The following GMDS variants were observed in gnomAD, a reference collection of about 807,000 sequenced individuals.
GMDS encodes GDP-mannose 4,6 dehydratase.
GMDS carries 20 observed loss-of-function variants against 49.9 expected under a neutral mutation model. The observed-to-expected ratio is 0.40, with a 90% confidence interval of 0.28 to 0.58. The LOEUF (loss-of-function observed/expected upper bound fraction) is 0.58. Ranked by LOEUF, GMDS falls within the 20% of genes least tolerant of loss-of-function variation. The pLI is 0.42. For missense variants in GMDS, 362 were observed against 481.4 expected, an observed-to-expected ratio of 0.75 and a Z score of 2.32; for synonymous variants, 177 against 178.6, an observed-to-expected ratio of 0.99 and a Z score of 0.07.
At chr6:1,808,488 C>T (rs1770274822) in intron 7 of GMDS, among the ~76,000 whole-genome samples, 1 of 152,140 alleles carries the variant, frequency 6.6e-6, no homozygotes, top group Non-Finnish European at 1.5e-5. Flanking sequence ...GCTAGCTGAA[C>T]ATCTAGAACT....
At position 2,191,298 on chromosome 6, in the gene GMDS, G is replaced by A. The variant is rs1380181760; in HGVS notation, c.102+54023C>T. Among the ~76,000 whole-genome samples, 6 of 152,126 alleles carry A rather than the reference G, an allele frequency of 3.9e-5. No homozygotes were observed. The highest frequency in any genetic ancestry group is 1.4e-4 in the African/African-American group (6 of 41,442). On this transcript the variant is annotated intron_variant, in intron 1 of 10. Coordinates refer to ENST00000380815, the MANE Select transcript of GMDS (RefSeq NM_001500.4). This position sits in a 1 kb window ranked among gnomAD's most constrained non-coding sequence, Gnocchi z 4.6. ...TGAGGGGGAGCTCTAGGCTGCCCCT[G>A]AGTGCGGGGGCCACGGGGGAGCTCA...
At chr6:2,204,886 T>G (rs1414219890) in intron 1 of GMDS, among the ~76,000 whole-genome samples, 3 of 152,182 alleles carry the variant, frequency 2.0e-5, no homozygotes, top group Admixed American at 2.0e-4. Flanking sequence ...TTAGGGGCCA[T>G]TTTTCTGTTA....
intron 4 of GMDS, among the ~76,000 whole-genome samples, chr6:1,997,081 T>C (rs536071763): frequency 5.1e-4 from 78 of 152,052 alleles, no homozygotes; most frequent in African/African-American, 1.8e-3. Flanking sequence ...TTCTACTCAA[T>C]GTGCTCTGAC....
At chr6:1,830,319 T>C (rs983332930) in intron 7 of GMDS, among the ~76,000 whole-genome samples, 1 of 152,238 alleles carries the variant, frequency 6.6e-6, no homozygotes, top group Non-Finnish European at 1.5e-5. Context: ...GTCTGTCTTA[T>C]GCATTTTAAG....
chr6:1,850,154 G>A (rs950104365), intron 7 of GMDS, among the ~76,000 whole-genome samples: 6 of 152,130 alleles, frequency 3.9e-5, no homozygotes, highest in African/African-American at 1.4e-4. Flanking sequence ...GGCATAAACT[G>A]CAGCAAACAG....
chr6:1,692,566 G>T lies in GMDS; in HGVS notation c.987+33850C>A, dbSNP rs1765211368. On this transcript the variant is annotated intron_variant, in intron 9 of 10. Coordinates refer to ENST00000380815, the MANE Select transcript of GMDS (RefSeq NM_001500.4). Reference sequence around the variant, plus strand: ...TTAGGGCATTGGAAGTTGTCCTCCAGAACTGATTCTCTGTTAATTTTTTTA... The same window carrying T: ...TTAGGGCATTGGAAGTTGTCCTCCATAACTGATTCTCTGTTAATTTTTTTA... Among the ~76,000 whole-genome samples the T allele has an allele frequency of 2.6e-5, 4 of 152,194 alleles. No homozygotes were observed. The South Asian group carries it at 8.3e-4, about 32-fold the overall frequency.
rs185452913 is a variant in GMDS, at chr6:2,055,278, G to A, written c.345+60493C>T. Among the ~76,000 whole-genome samples, 45 of 151,508 alleles carry A rather than the reference G, an allele frequency of 3.0e-4. No homozygotes were observed. The East Asian group carries it at 7.8e-3, about 26-fold the overall frequency. On this transcript the variant is annotated intron_variant, in intron 4 of 10. Transcript: ENST00000380815. ...AGAAAAAAAAAGAGAGAGAGAGAGA[G>A]AATGAGGCAGAAGACATATATTTCC... is the stretch of plus-strand genomic sequence containing the variant.
At chr6:1,797,832 AGT>A (rs1315313449) in intron 7 of GMDS, among the ~76,000 whole-genome samples, 2 of 152,312 alleles carry the variant, frequency 1.3e-5, no homozygotes, top group East Asian at 3.9e-4. Context: ...CACAGCTTGG[AGT>A]GTCCTCTATA....
intron 4 of GMDS, among the ~76,000 whole-genome samples, chr6:2,096,527 T>A (rs892587580): frequency 1.3e-5 from 2 of 152,198 alleles, no homozygotes; most frequent in African/African-American, 4.8e-5. Context: ...AAGGACTACA[T>A]TAATGATTTG....
chr6:1,806,186 A>C (rs1427378558), intron 7 of GMDS, among the ~76,000 whole-genome samples: 1 of 152,192 alleles, frequency 6.6e-6, no homozygotes, highest in Non-Finnish European at 1.5e-5. Context: ...CTCCAAGTCC[A>C]ATTTAGTCCC....
intron 7 of GMDS, among the ~76,000 whole-genome samples, chr6:1,771,510 G>C (rs977712373): frequency 1.6e-4 from 24 of 152,172 alleles, no homozygotes; most frequent in Admixed American, 1.4e-3. Context: ...AAATAGTAGT[G>C]AGTCAATACA....
chr6:1,827,028 C>T (rs914259808), intron 7 of GMDS, among the ~76,000 whole-genome samples: 4 of 151,656 alleles, frequency 2.6e-5, no homozygotes, highest in African/African-American at 4.8e-5. Flanking sequence ...GATTGTGGCC[C>T]GCATTCCAGC....
chr6:1,983,983 A>T (rs1765386910), intron 4 of GMDS, among the ~76,000 whole-genome samples: 2 of 152,230 alleles, frequency 1.3e-5, no homozygotes, highest in South Asian at 4.1e-4. Flanking sequence ...ATGCTCATCA[A>T]TGATAGACTG....
At chr6:1,842,500 A>T (rs533410471) in intron 7 of GMDS, among the ~76,000 whole-genome samples, 1 of 152,010 alleles carries the variant, frequency 6.6e-6, no homozygotes, top group Non-Finnish European at 1.5e-5. Flanking sequence ...GAAGAATGTG[A>T]CTCCAACTGC....
At chr6:1,958,669 T>A (rs905328271) in intron 6 of GMDS, among the ~76,000 whole-genome samples, 2 of 152,220 alleles carry the variant, frequency 1.3e-5, no homozygotes, top group Non-Finnish European at 2.9e-5. Context: ...GTCGCTTTAA[T>A]CTTTCTTCAT....
intron 7 of GMDS, among the ~76,000 whole-genome samples, chr6:1,894,724 C>A (rs1198865490): frequency 6.6e-6 from 1 of 152,126 alleles, no homozygotes; most frequent in Admixed American, 6.5e-5. Context: ...GATGGTAATA[C>A]AATCATTTTT....
intron 6 of GMDS, among the ~76,000 whole-genome samples, chr6:1,950,856 T>C (rs1219492101): frequency 6.6e-6 from 1 of 151,930 alleles, no homozygotes; most frequent in Admixed American, 6.5e-5. Flanking sequence ...AGGACAGGCG[T>C]TTGTTATAGA....
rs951060652 is a variant in GMDS at position 2,139,956 on chromosome 6, C to T, written c.103-15225G>A. Among the ~76,000 whole-genome samples the T allele has an allele frequency of 2.0e-5, 3 of 152,188 alleles. No individual in the cohort carries two copies. The South Asian group carries it at 6.2e-4, about 32-fold the overall frequency. On this transcript the variant is annotated intron_variant, in intron 1 of 10. Coordinates refer to ENST00000380815, the MANE Select transcript of GMDS (RefSeq NM_001500.4). ...GATAAACAGCCCAGGCAGCTGAGCGCAGGAGGAGTAGGTGTGCGAAGCGCG... is the reference window on the plus strand; with the variant it reads ...GATAAACAGCCCAGGCAGCTGAGCGTAGGAGGAGTAGGTGTGCGAAGCGCG...
At chr6:2,015,780 C>CCAAAT (rs1767851986) in intron 4 of GMDS, among the ~76,000 whole-genome samples, 3 of 152,164 alleles carry the variant, frequency 2.0e-5, no homozygotes, top group Admixed American at 2.0e-4. Flanking sequence ...GCCTTTCCAT[C>CCAAAT]TTAACTGGAC....
Sources: gnomAD v4.1 joint callset for allele counts (sites outside exome capture counted in the v4.1 genomes callset) on GRCh38, gnomAD v4.1.1 for gene constraint, Gnocchi (gnomAD v3.1) non-coding constraint, MANE v1.5 for transcripts, NCBI Gene and HGNC (gene_info 2026-07-23, HGNC 2026-07-21) for gene names.